EXOC6: variants seen among roughly 807,000 people sequenced by gnomAD.
EXOC6 encodes exocyst complex component 6, also known as SEC15-like 1.
A neutral mutation model predicts 112.5 loss-of-function variants in EXOC6; 60 were observed. That is an observed-to-expected ratio of 0.53 (90% CI 0.43 to 0.66). The LOEUF is 0.66. Ranked by LOEUF, EXOC6 falls within the 30% of genes least tolerant of loss-of-function variation. The probability of loss-of-function intolerance (pLI) is 0.00; values close to 1 mark genes in which losing one functional copy is unlikely to be tolerated. For missense variants in EXOC6, 855 were observed against 957.1 expected, an observed-to-expected ratio of 0.89 and a Z score of 1.41; for synonymous variants, 295 against 308.0, an observed-to-expected ratio of 0.96 and a Z score of 0.44.
intron 18 of EXOC6, among the ~76,000 whole-genome samples, chr10:92,989,407 A>G (rs1843141161): frequency 6.6e-6 from 1 of 152,222 alleles, no homozygotes; most frequent in East Asian, 1.9e-4. Context: ...GAGTTTAGTA[A>G]AGATGATACC....
At chr10:93,013,681 A>G (rs898772096) in intron 19 of EXOC6, among the ~76,000 whole-genome samples, 1 of 152,226 alleles carries the variant, frequency 6.6e-6, no homozygotes, top group African/African-American at 2.4e-5. Flanking sequence ...TGATTTTTCT[A>G]CTTAGAACAT....
rs186525242 is a variant in EXOC6, at chr10:92,971,409, C to G, written c.1774-2644C>G. On this transcript the variant is annotated intron_variant, in intron 17 of 21. Coordinates refer to ENST00000260762, the MANE Select transcript of EXOC6 (RefSeq NM_019053.6). ...TTCTTTTTTTAGATGGAGTATCACT[C>G]TGTCACCCAGGCTGGAGTGCAGTGG... is the stretch of plus-strand genomic sequence containing the variant. Among the ~76,000 whole-genome samples the G allele has an allele frequency of 6.7e-5, 10 of 150,066 alleles. No individual in the cohort carries two copies. The East Asian group carries it at 2.0e-3, about 30-fold the overall frequency.
chr10:92,949,414 A>C (rs1853255455), intron 14 of EXOC6, among the ~76,000 whole-genome samples: 1 of 152,124 alleles, frequency 6.6e-6, no homozygotes, highest in Non-Finnish European at 1.5e-5. Flanking sequence ...AATTATTCTA[A>C]TTCTGTATTT....
chr10:92,969,994 G>A (rs896153713), intron 17 of EXOC6, among the ~76,000 whole-genome samples: 17 of 152,074 alleles, frequency 1.1e-4, no homozygotes, highest in Admixed American at 6.5e-4. Flanking sequence ...GCACCTGGTC[G>A]ACTATTGTAT....
intron 13 of EXOC6, among the ~76,000 whole-genome samples, chr10:92,946,213 G>A (rs917249161): frequency 2.6e-5 from 4 of 151,976 alleles, no homozygotes; most frequent in Non-Finnish European, 4.4e-5. Context: ...GGAGAATGGC[G>A]TGAACCCGGG....
chr10:92,962,389 A>G (rs1440617553), intron 17 of EXOC6, among the ~76,000 whole-genome samples: 6 of 151,884 alleles, frequency 4.0e-5, no homozygotes, highest in African/African-American at 1.5e-4. Flanking sequence ...AAAAATATAT[A>G]TATATATGGT....
chr10:93,040,449 G>C (rs577867946), intron 20 of EXOC6, among the ~76,000 whole-genome samples: 60 of 152,174 alleles, frequency 3.9e-4, no homozygotes, highest in South Asian at 1.7e-3. Flanking sequence ...GGGTTTCACT[G>C]TGTTAGCCAG....
intron 18 of EXOC6, among the ~76,000 whole-genome samples, chr10:92,989,948 G>T (rs1843162762): frequency 6.6e-6 from 1 of 152,012 alleles, no homozygotes. Context: ...GACATATTTT[G>T]ATATCCATTT....
At chr10:92,931,115 GAAAAAAAAAAAA>G (rs60087746) in intron 9 of EXOC6, among the ~76,000 whole-genome samples, 31 of 70,604 alleles carry the variant, frequency 4.4e-4, no homozygotes, top group Non-Finnish European at 7.5e-4. Flanking sequence ...CATCTCAGAA[GAAAAAAAAAAAA>G]AAAAAAAAAA....
intron 8 of EXOC6, among the ~76,000 whole-genome samples, chr10:92,927,893 A>G (rs1851813183): frequency 6.6e-6 from 1 of 152,202 alleles, no homozygotes; most frequent in Non-Finnish European, 1.5e-5. Context: ...CTGGAAGTGA[A>G]AAGAGAGCAG....
At chr10:92,845,288 C>G (rs1847006772), upstream of EXOC6, among the ~76,000 whole-genome samples, 1 of 152,202 alleles carries the variant, frequency 6.6e-6, no homozygotes, top group Non-Finnish European at 1.5e-5. Context: ...CGTGGTGGCT[C>G]ATGCCTGTAA....
At chr10:92,829,461 C>T (rs1454374631) in intron 1 of EXOC6, among the ~76,000 whole-genome samples, 1 of 152,192 alleles carries the variant, frequency 6.6e-6, no homozygotes. Context: ...TCCTTGATTT[C>T]CTTGGCATGA....
chr10:93,000,303 C>A (rs1030935252), intron 19 of EXOC6, among the ~76,000 whole-genome samples: 1 of 152,152 alleles, frequency 6.6e-6, no homozygotes, highest in Non-Finnish European at 1.5e-5. Flanking sequence ...TCTCCCTATT[C>A]TCTTACCTCT....
intron 9 of EXOC6, among the ~76,000 whole-genome samples, chr10:92,933,613 A>G (rs1191018324): frequency 6.6e-6 from 1 of 152,230 alleles, no homozygotes; most frequent in Non-Finnish European, 1.5e-5. Context: ...AATATGAAAT[A>G]TTTCATGTAA....
At chr10:93,016,457 T>C (rs1356978410) in intron 20 of EXOC6, among the ~76,000 whole-genome samples, 1 of 152,194 alleles carries the variant, frequency 6.6e-6, no homozygotes, top group Non-Finnish European at 1.5e-5. Flanking sequence ...GATCCTATTT[T>C]AATCAAGTGT....
chr10:92,862,016 G>A (rs886177638), intron 1 of EXOC6, among the ~76,000 whole-genome samples: 2 of 152,098 alleles, frequency 1.3e-5, no homozygotes, highest in African/African-American at 4.8e-5. Context: ...GTAAAAAACA[G>A]CCATTTTAAA....
upstream of EXOC6, among the ~76,000 whole-genome samples, chr10:92,831,764 C>A (rs1846490551): frequency 6.6e-6 from 1 of 152,042 alleles, no homozygotes; most frequent in South Asian, 2.1e-4. Context: ...TATTTTCTCT[C>A]CAATATTAGG....
At chr10:92,906,013 G>A (rs1209253542) in intron 5 of EXOC6, among the ~76,000 whole-genome samples, 1 of 152,002 alleles carries the variant, frequency 6.6e-6, no homozygotes, top group Admixed American at 6.6e-5. Context: ...CACATATTTT[G>A]ATGCTCTGTT....
intron 5 of EXOC6, among the ~76,000 whole-genome samples, chr10:92,903,635 T>C (rs1295180450): frequency 6.7e-6 from 1 of 148,384 alleles, no homozygotes; most frequent in Non-Finnish European, 1.5e-5. Context: ...GCTTTTTTTT[T>C]ATTTAATAGA....
Sources: gnomAD v4.1 joint callset for allele counts (sites outside exome capture counted in the v4.1 genomes callset) on GRCh38, gnomAD v4.1.1 for gene constraint, MANE v1.5 for transcripts, NCBI Gene and HGNC (gene_info 2026-07-23, HGNC 2026-07-21) for gene names.